GALNT13: variants seen among roughly 807,000 people sequenced by gnomAD.
GALNT13 encodes the protein UDP-GalNAc:polypeptide N-acetylgalactosaminyltransferase 13.
GALNT13 carries 28 observed loss-of-function variants against 64.2 expected under a neutral mutation model. The ratio of observed to expected loss-of-function variants is 0.44; its 90% CI spans 0.32 to 0.60. The LOEUF (loss-of-function observed/expected upper bound fraction) is 0.60. Ranked by LOEUF, GALNT13 falls within the 20% of genes least tolerant of loss-of-function variation. The pLI, the probability that GALNT13 is intolerant of heterozygous loss-of-function variation, is 0.05. For synonymous variants in GALNT13, 214 were observed against 224.6 expected (o/e 0.95, Z 0.42); for missense variants, 577 against 669.8 (o/e 0.86, Z 1.53).
chr2:153,073,412 A>G, the GALNT13 span, among the ~76,000 whole-genome samples: 19 of 152,170 alleles, frequency 1.2e-4, no homozygotes, highest in African/African-American at 4.6e-4. Context: ...GAGGAAAGAA[A>G]GAAAAACTTG....
the GALNT13 span, among the ~76,000 whole-genome samples, chr2:153,584,366 C>T: frequency 6.6e-6 from 1 of 152,122 alleles, no homozygotes; most frequent in Non-Finnish European, 1.5e-5. Flanking sequence ...ACGTGGGACA[C>T]CTAAGCACTT....
At chr2:154,057,898 A>G (rs1280587796) in intron 3 of GALNT13, among the ~76,000 whole-genome samples, 5 of 152,160 alleles carry the variant, frequency 3.3e-5, no homozygotes, top group Non-Finnish European at 1.5e-5. Flanking sequence ...GGTGACACTC[A>G]ATACATTTTT....
the GALNT13 span, among the ~76,000 whole-genome samples, chr2:153,529,741 T>G: frequency 6.6e-6 from 1 of 152,238 alleles, no homozygotes; most frequent in African/African-American, 2.4e-5. Flanking sequence ...GATGCAAGAA[T>G]AGTTCAACAT....
At chr2:154,354,679 C>T (rs2105266580) in intron 9 of GALNT13, among the ~76,000 whole-genome samples, 1 of 152,056 alleles carries the variant, frequency 6.6e-6, no homozygotes, top group South Asian at 2.1e-4. Context: ...AGAGACCACC[C>T]TTTTCCCCAT....
the GALNT13 span, among the ~76,000 whole-genome samples, chr2:153,608,034 A>G: frequency 1.3e-5 from 2 of 152,062 alleles, no homozygotes; most frequent in Admixed American, 1.3e-4. Context: ...TCAAATGCCA[A>G]AACTGGCCAC....
the GALNT13 span, among the ~76,000 whole-genome samples, chr2:153,736,697 A>G: frequency 2.0e-5 from 3 of 152,182 alleles, no homozygotes; most frequent in Admixed American, 1.3e-4. Context: ...TCACACTGAC[A>G]CATCCAAGTT....
the GALNT13 span, among the ~76,000 whole-genome samples, chr2:153,799,478 G>A: frequency 1.3e-5 from 2 of 152,042 alleles, no homozygotes; most frequent in Non-Finnish European, 2.9e-5. Context: ...CAAAGGAATC[G>A]GACAAATACC....
At chr2:153,654,509 T>A in the GALNT13 span, among the ~76,000 whole-genome samples, 10 of 152,116 alleles carry the variant, frequency 6.6e-5, no homozygotes, top group Non-Finnish European at 1.5e-4. Context: ...TCCACATTTT[T>A]AAATTGTACA....
chr2:153,690,095 A>C, the GALNT13 span, among the ~76,000 whole-genome samples: 3 of 152,082 alleles, frequency 2.0e-5, no homozygotes, highest in African/African-American at 7.2e-5. Flanking sequence ...TGAATCTTTT[A>C]ATTTCAGCAG....
the GALNT13 span, among the ~76,000 whole-genome samples, chr2:153,618,160 A>G: frequency 6.6e-6 from 1 of 151,672 alleles, no homozygotes. Context: ...AGGCTCTTAT[A>G]CCTATAAACT....
the GALNT13 span, among the ~76,000 whole-genome samples, chr2:153,402,337 C>G: frequency 6.6e-6 from 1 of 151,444 alleles, no homozygotes; most frequent in Non-Finnish European, 1.5e-5. Context: ...GTAACCCGAC[C>G]TTTCTCTCTG....
rs570742973 is a variant in GALNT13 at position 154,413,241 on chromosome 2, C to T, written c.1395+4159C>T. Among the ~76,000 whole-genome samples, 3 of 151,982 alleles carry T rather than the reference C, an allele frequency of 2.0e-5. No homozygotes were observed. The Admixed American group carries it at 2.0e-4, about 10-fold the overall frequency. On this transcript the variant is annotated intron_variant, in intron 11 of 12. Transcript: ENST00000392825. ...AAACTGAACTCATTTCCTTTCCTTTCACAGAGTCATCCAAAATGGAAACCT... is the reference window on the plus strand; with the variant it reads ...AAACTGAACTCATTTCCTTTCCTTTTACAGAGTCATCCAAAATGGAAACCT...
the GALNT13 span, among the ~76,000 whole-genome samples, chr2:153,722,364 C>T: frequency 4.4e-5 from 6 of 136,492 alleles, no homozygotes; most frequent in South Asian, 5.2e-4. Flanking sequence ...AGGAAAGATC[C>T]AAAATTGACA....
At chr2:153,139,110 G>C in the GALNT13 span, among the ~76,000 whole-genome samples, 2 of 151,956 alleles carry the variant, frequency 1.3e-5, no homozygotes, top group African/African-American at 4.8e-5. Flanking sequence ...CATATGTTTT[G>C]ATAGCAGTCA....
At chr2:153,934,436 C>T (rs185739472) in intron 2 of GALNT13, among the ~76,000 whole-genome samples, 1 of 152,252 alleles carries the variant, frequency 6.6e-6, no homozygotes, top group East Asian at 1.9e-4. Context: ...TTTTACCTCA[C>T]ATAAAAGCTA....
At chr2:154,231,786 T>C (rs976125289) in intron 4 of GALNT13, among the ~76,000 whole-genome samples, 26 of 148,214 alleles carry the variant, frequency 1.8e-4, no homozygotes, top group African/African-American at 4.9e-4. Flanking sequence ...GCAAAAACTG[T>C]GATTACTTTT....
chr2:154,041,974 T>A (rs1699008610), intron 3 of GALNT13, among the ~76,000 whole-genome samples: 1 of 140,572 alleles, frequency 7.1e-6, no homozygotes. Context: ...ACTTAGTAAA[T>A]TAACTAAAAT....
At chr2:153,840,300 T>C in the GALNT13 span, among the ~76,000 whole-genome samples, 1 of 152,160 alleles carries the variant, frequency 6.6e-6, no homozygotes, top group Non-Finnish European at 1.5e-5. Flanking sequence ...TTCATTTATA[T>C]AGTTTGCTTT....
chr2:153,395,928 T>C, the GALNT13 span, among the ~76,000 whole-genome samples: 1 of 152,136 alleles, frequency 6.6e-6, no homozygotes, highest in Non-Finnish European at 1.5e-5. Flanking sequence ...ACATTTTCTA[T>C]AAAGAATAGA....
Sources: gnomAD v4.1 joint callset for allele counts (sites outside exome capture counted in the v4.1 genomes callset) on GRCh38, gnomAD v4.1.1 for gene constraint, MANE v1.5 for transcripts, NCBI Gene and HGNC (gene_info 2026-07-23, HGNC 2026-07-21) for gene names.